CCDC87: variants seen among roughly 807,000 people sequenced by gnomAD.
CCDC87 encodes coiled-coil domain-containing protein 87.
For missense variants in CCDC87, 1,072 were observed against 1,041.7 expected (o/e 1.03, Z -0.40); for synonymous variants, 434 against 440.2 (o/e 0.99, Z 0.18).
rs143106957 is a variant in CCDC87 at position 66,591,701 on chromosome 11, C to A, written c.1315G>T (p.Val439Phe). 1 of 1,613,580 alleles carries A rather than the reference C, an allele frequency of 6.2e-7. No homozygotes were observed. The highest frequency in any genetic ancestry group is 8.5e-7 in the Non-Finnish European group (1 of 1,179,926). Residue 439 changes from valine (V) to phenylalanine (F), a missense_variant, in exon 1 of 1, where the codon GTC becomes TTC. Coordinates refer to ENST00000333861, the MANE Select transcript of CCDC87 (RefSeq NM_018219.3). ...VTITLKLRNE[V>F]VVQAAAVRVS... ...CGTACGGCAGCCGCCTGGACCACGA[C>A]CTCATTTCTAAGCTTCAAAGTAATG... is the stretch of plus-strand genomic sequence containing the variant.
rs1858385348 is a variant in CCDC87, at chr11:66,592,404, G to C, written c.612C>G (p.Phe204Leu). The C allele has an allele frequency of 6.2e-7, 1 of 1,613,942 alleles. No homozygotes were observed. The highest frequency in any genetic ancestry group is 1.3e-5 in the African/African-American group (1 of 74,938). ...KLHPVCPAGT[F>L]KLCPIPWPHS... ...GAGGCCAGGGGATAGGGCACAGCTT[G>C]AACGTCCCAGCGGGGCAGACAGGGT... Residue 204 changes from phenylalanine (F) to leucine (L), a missense_variant, in exon 1 of 1, where the codon TTC becomes TTG. Physicochemically the swap from Phe to Leu is conservative, Grantham distance 22. Transcript: ENST00000333861.
rs1858337611 is a variant in CCDC87, at chr11:66,590,759, T to C, written c.2257A>G (p.Lys753Glu). 1 of 1,613,042 alleles carries C rather than the reference T, an allele frequency of 6.2e-7. No homozygotes were observed. Among genetic ancestry groups the C allele is most frequent in the East Asian group, 2.2e-5 (1 of 44,888 alleles). The change falls in exon 1 of 1, where the codon AAA becomes GAA. Residue 753 changes from lysine to glutamate, a missense_variant. Transcript: ENST00000333861. Reference protein sequence around the residue: ...GQASNPNRFFKKTNLSSSHFL... With the variant: ...GQASNPNRFFEKTNLSSSHFL... ...TGACTGGAGCTCAAGTTGGTCTTTT[T>C]GAAGAAGCGGTTGGGATTGGAAGCT...
rs1307212136 is a variant in CCDC87, at chr11:66,591,636, C to T, written c.1380G>A (p.Glu460=). The change falls in exon 1 of 1, where the codon GAG becomes GAA. Residue 460 remains glutamate, a synonymous_variant. Coordinates refer to ENST00000333861, the MANE Select transcript of CCDC87 (RefSeq NM_018219.3). ...DRNFLDSFHI[E]GAGALYNHLA... is the part of the protein sequence containing the mutation. ...GATGGTTATACAGGGCTCCGGCCCC[C>T]TCAATGTGGAAAGAGTCTAAGAAGT... 1.2e-6 allele frequency: 2 copies of T among 1,614,014 alleles called. No homozygotes were observed. The highest frequency in any genetic ancestry group is 1.7e-5 in the Admixed American group (1 of 60,020).
Position 66,590,933 on chromosome 11 carries a change from C to T in CCDC87, c.2083G>A (p.Asp695Asn), listed in dbSNP as rs1858342595. The T allele has an allele frequency of 1.2e-6, 2 of 1,613,496 alleles. No homozygotes were observed. Among genetic ancestry groups the T allele is most frequent in the Non-Finnish European group, 1.7e-6 (2 of 1,180,058 alleles). ...EQLWSVLEVP[D>N]KDQVDMTIKY... is the part of the protein sequence containing the mutation. Reference sequence around the variant, plus strand: ...ATGGTCATGTCCACCTGGTCCTTGTCAGGGACCTCAAGCACAGACCACAGT... The same window carrying T: ...ATGGTCATGTCCACCTGGTCCTTGTTAGGGACCTCAAGCACAGACCACAGT... The change falls in exon 1 of 1, where the codon GAC (aspartate) becomes AAC (asparagine). Residue 695 changes from aspartate to asparagine, a missense_variant. Asp to Asn is a conservative substitution (Grantham distance 23). Coordinates refer to ENST00000333861, the MANE Select transcript of CCDC87 (RefSeq NM_018219.3).
At position 66,592,567 on chromosome 11, in the gene CCDC87, G is replaced by A. The variant is rs1858391145; in HGVS notation, c.449C>T (p.Thr150Ile). The A allele has an allele frequency of 1.2e-6, 2 of 1,613,128 alleles. No homozygotes were observed. Among genetic ancestry groups the A allele is most frequent in the Non-Finnish European group, 1.7e-6 (2 of 1,180,010 alleles). Reference sequence around the variant, plus strand: ...GAGGCTGGCGGCCAACCGGGTGAGGGTGGCTGATTCAGTGAAGACCCCCCT... The same window carrying A: ...GAGGCTGGCGGCCAACCGGGTGAGGATGGCTGATTCAGTGAAGACCCCCCT... ...TPRGVFTESA[T>I]LTRLAASLAR... is the part of the protein sequence containing the mutation. The change falls in exon 1 of 1, where the codon ACC (threonine) becomes ATC (isoleucine). Residue 150 changes from threonine (T) to isoleucine (I), a missense_variant. Coordinates refer to ENST00000333861, the MANE Select transcript of CCDC87 (RefSeq NM_018219.3).
Position 66,590,838 on chromosome 11 carries a change from C to T in CCDC87, c.2178G>A (p.Lys726=). The T allele has an allele frequency of 1.2e-6, 2 of 1,613,924 alleles. No homozygotes were observed. The highest frequency in any genetic ancestry group is 1.7e-6 in the Non-Finnish European group (2 of 1,180,046). Residue 726 remains lysine (K), a synonymous_variant, in exon 1 of 1, where the codon AAG becomes AAA. Coordinates refer to ENST00000333861, the MANE Select transcript of CCDC87 (RefSeq NM_018219.3). ...GCAATGCCTCCCGCAGCTGAATGGGCTTCAGGGCCCGCTCCCAGGCATTCA... is the reference window on the plus strand; with the variant it reads ...GCAATGCCTCCCGCAGCTGAATGGGTTTCAGGGCCCGCTCCCAGGCATTCA... ...SLVNAWERAL[K]PIQLREALLA...
Position 66,591,363 on chromosome 11 carries a change from C to G in CCDC87, c.1653G>C (p.Gln551His), listed in dbSNP as rs146402060. The change falls in exon 1 of 1, where the codon CAG (glutamine) becomes CAC (histidine). Residue 551 changes from glutamine to histidine, a missense_variant. Gln to His is a conservative substitution (Grantham distance 24, BLOSUM62 0). Transcript: ENST00000333861. Reference protein sequence around the residue: ...INPELVGLYSQRANTLQSNTK... With the variant: ...INPELVGLYSHRANTLQSNTK... ...TATTGGACTGTAAAGTGTTTGCTCTCTGGGAGTAAAGTCCAACCAGCTCAG... is the reference window on the plus strand; with the variant it reads ...TATTGGACTGTAAAGTGTTTGCTCTGTGGGAGTAAAGTCCAACCAGCTCAG... 12 of 1,614,024 alleles carry G rather than the reference C, an allele frequency of 7.4e-6. No homozygotes were observed. The African/African-American group carries it at 1.6e-4, about 22-fold the overall frequency.
In CCDC87 at chr11:66,591,931, T is replaced by C; in HGVS notation, c.1085A>G (p.Lys362Arg). The change falls in exon 1 of 1, where the codon AAG becomes AGG. Residue 362 changes from lysine to arginine, a missense_variant. Coordinates refer to ENST00000333861, the MANE Select transcript of CCDC87 (RefSeq NM_018219.3). ...IVAEDLKQLI[K>R]KMKLEGTRYP... Reference sequence around the variant, plus strand: ...GCGAGTCCCCTCCAACTTCATCTTCTTTATCAACTGCTTCAGATCCTCAGC... The same window carrying C: ...GCGAGTCCCCTCCAACTTCATCTTCCTTATCAACTGCTTCAGATCCTCAGC... The C allele has an allele frequency of 6.2e-7, 1 of 1,613,890 alleles. No individual in the cohort carries two copies. Among genetic ancestry groups the C allele is most frequent in the East Asian group, 2.2e-5 (1 of 44,888 alleles).
Position 66,591,558 on chromosome 11 carries a change from A to G in CCDC87, c.1458T>C (p.Phe486=). 6.2e-7 allele frequency: 1 copy of G among 1,614,178 alleles called. No homozygotes were observed. The highest frequency in any genetic ancestry group is 8.5e-7 in the Non-Finnish European group (1 of 1,180,042). The change falls in exon 1 of 1, where the codon TTT becomes TTC. Residue 486 remains phenylalanine, a synonymous_variant. Transcript: ENST00000333861. ...KAIEKMDIDN[F]VGSTTREVYK... is the part of the protein sequence containing the mutation. The stretch of plus-strand genomic sequence containing the variant: ...AGACCTCCCTGGTAGTACTGCCAAC[A>G]AAGTTATCAATATCCATTTTTTCAA...
Position 66,592,251 on chromosome 11 carries a change from G to C in CCDC87, c.765C>G (p.Ile255Met), listed in dbSNP as rs780562668. The change falls in exon 1 of 1, where the codon ATC becomes ATG. Residue 255 changes from isoleucine to methionine, a missense_variant. Ile to Met is a conservative substitution (Grantham distance 10, BLOSUM62 1). Coordinates refer to ENST00000333861, the MANE Select transcript of CCDC87 (RefSeq NM_018219.3). ...RMDPVKELKS[I>M]PRLKRKKPFH... ...AAGGCTTTTTCCTCTTCAACCGAGG[G>C]ATGGACTTCAATTCCTTCACTGGAT... 6.2e-7 allele frequency: 1 copy of C among 1,614,170 alleles called. No homozygotes were observed. The highest frequency in any genetic ancestry group is 1.1e-5 in the South Asian group (1 of 91,076).
Position 66,590,560 on chromosome 11 carries a change from C to T in CCDC87, c.2456G>A (p.Trp819Ter). Residue 819 changes from tryptophan to a stop codon, truncating the protein, a stop_gained, in exon 1 of 1, where the codon TGG becomes TAG. Coordinates refer to ENST00000333861, the MANE Select transcript of CCDC87 (RefSeq NM_018219.3). LOFTEE classifies it low-confidence loss of function (END_TRUNC). ...MKSDKVEMLY[W>*]LQQQRRVRHL... ...GCGAACCCGCCGCTGCTGTTGCAGCCAATAGAGCATCTCCACTTTGTCACT... is the reference window on the plus strand; with the variant it reads ...GCGAACCCGCCGCTGCTGTTGCAGCTAATAGAGCATCTCCACTTTGTCACT... The T allele has an allele frequency of 6.2e-7, 1 of 1,614,108 alleles. No individual in the cohort carries two copies. The highest frequency in any genetic ancestry group is 8.5e-7 in the Non-Finnish European group (1 of 1,180,028).
At position 66,592,906 on chromosome 11, in the gene CCDC87, C is replaced by A; in HGVS notation, c.110G>T (p.Arg37Leu). ...TRTTSPEPQK[R>L]PPQEGRILQS... is the part of the protein sequence containing the mutation. ...CAGAATCCGGCCCTCCTGCGGGGGG[C>A]GCTTCTGAGGCTCTGGGGACGTCGT... The change falls in exon 1 of 1, where the codon CGC becomes CTC. Residue 37 changes from arginine (R) to leucine (L), a missense_variant. By Grantham distance (102) the Arg-to-Leu change is moderately radical (BLOSUM62 -2). Coordinates refer to ENST00000333861, the MANE Select transcript of CCDC87 (RefSeq NM_018219.3). 1 of 1,531,864 alleles carries A rather than the reference C, an allele frequency of 6.5e-7. No homozygotes were observed. The highest frequency in any genetic ancestry group is 1.3e-5 in the South Asian group (1 of 77,950). The allele number at this position is 1,531,864 out of a possible 1,614,324, so 94.9% of individuals were successfully genotyped here. A position where few individuals can be genotyped will look rare whatever the true frequency, so the allele number is the denominator to read the frequency against.
chr11:66,592,588 C>G lies in CCDC87; in HGVS notation c.428G>C (p.Gly143Ala). Residue 143 changes from glycine to alanine, a missense_variant, in exon 1 of 1, where the codon GGG (glycine) becomes GCG (alanine). Transcript: ENST00000333861. The stretch of plus-strand genomic sequence containing the variant: ...GAGGGTGGCTGATTCAGTGAAGACC[C>G]CCCTGGGAGTCGACATGGTCACCAG... ...HLLVTMSTPR[G>A]VFTESATLTR... 1 of 1,613,520 alleles carries G rather than the reference C, an allele frequency of 6.2e-7. No homozygotes were observed. Among genetic ancestry groups the G allele is most frequent in the Non-Finnish European group, 8.5e-7 (1 of 1,180,028 alleles).
At position 66,590,195 on chromosome 11, in the gene CCDC87, G is replaced by C; in HGVS notation, c.*271C>G. ...CAGTTCTTTTGATATAGGAGATTTGGCTTGTATTGTGCAAGGCTTGACATA... is the reference window on the plus strand; with the variant it reads ...CAGTTCTTTTGATATAGGAGATTTGCCTTGTATTGTGCAAGGCTTGACATA... On this transcript the variant is annotated 3_prime_UTR_variant, in exon 1 of 1. Coordinates refer to ENST00000333861, the MANE Select transcript of CCDC87 (RefSeq NM_018219.3). 2.5e-6 allele frequency: 1 copy of C among 401,176 alleles called. No individual in the cohort carries two copies. Among genetic ancestry groups the C allele is most frequent in the Non-Finnish European group, 4.4e-6 (1 of 226,692 alleles). The allele number at this position is 401,176 out of a possible 1,614,324, so 24.9% of individuals were successfully genotyped here. A position where few individuals can be genotyped will look rare whatever the true frequency, so the allele number is the denominator to read the frequency against.
rs1352878197 is a variant in CCDC87 at position 66,591,461 on chromosome 11, C to T, written c.1555G>A (p.Ala519Thr). Reference sequence around the variant, plus strand: ...AGGAAGGTCGACCAGTCTTTATCTGCTGCAGGCTCAACTAGGGGCCCTTGA... The same window carrying T: ...AGGAAGGTCGACCAGTCTTTATCTGTTGCAGGCTCAACTAGGGGCCCTTGA... ...FDQGPLVEPA[A>T]DKDWSTFLSS... Residue 519 changes from alanine (A) to threonine (T), a missense_variant, in exon 1 of 1, where the codon GCA (alanine) becomes ACA (threonine). Ala to Thr is a moderately conservative substitution (Grantham distance 58). Transcript: ENST00000333861. The T allele has an allele frequency of 6.2e-7, 1 of 1,614,196 alleles. No individual in the cohort carries two copies. Among genetic ancestry groups the T allele is most frequent in the South Asian group, 1.1e-5 (1 of 91,080 alleles).
In CCDC87 at chr11:66,590,496, G is replaced by A; in HGVS notation, c.2520C>T (p.Thr840=). Residue 840 remains threonine (T), a synonymous_variant, in exon 1 of 1, where the codon ACC becomes ACT. Coordinates refer to ENST00000333861, the MANE Select transcript of CCDC87 (RefSeq NM_018219.3). ...GGCTGGCTGCTGAGCTCCTGAACAGGGTTGACTGGTGGGGATCCTTCAGGG... is the reference window on the plus strand; with the variant it reads ...GGCTGGCTGCTGAGCTCCTGAACAGAGTTGACTGGTGGGGATCCTTCAGGG... ...VSALKDPHQS[T]LFRSSAASL is the part of the protein sequence containing the mutation. 2 of 1,613,402 alleles carry A rather than the reference G, an allele frequency of 1.2e-6. No individual in the cohort carries two copies. Among genetic ancestry groups the A allele is most frequent in the Non-Finnish European group, 1.7e-6 (2 of 1,179,530 alleles).
rs769058431 is a variant in CCDC87, at chr11:66,590,631, G to A, written c.2385C>T (p.Gly795=). The A allele has an allele frequency of 3.1e-5, 50 of 1,614,038 alleles. No individual in the cohort carries two copies. Among genetic ancestry groups the A allele is most frequent in the South Asian group, 6.6e-5 (6 of 91,082 alleles). The change falls in exon 1 of 1, where the codon GGC becomes GGT. Residue 795 remains glycine, a synonymous_variant. Coordinates refer to ENST00000333861, the MANE Select transcript of CCDC87 (RefSeq NM_018219.3). ...GCCGCCCCTTGAAGATCACTGGCTC[G>A]CCAAAGATTAACTCTATCTCCTCCA... The part of the protein sequence containing the change: ...SLLEEIELIF[G]EPVIFKGRPY...
chr11:66,592,432 AGCTTGTCCACATCCCCAGAG>A lies in CCDC87; in HGVS notation c.564_583del (p.Ser189AlafsTer29). 6.2e-7 allele frequency: 1 copy of A among 1,613,992 alleles called. No individual in the cohort carries two copies. Among genetic ancestry groups the A allele is most frequent in the Non-Finnish European group, 8.5e-7 (1 of 1,180,014 alleles). ...CGTCCCAGCGGGGCAGACAGGGTGC[AGCTTGTCCACATCCCCAGAG>A]GCCTGCTCTGCCCTCAGCAGGGCCT... is the stretch of plus-strand genomic sequence containing the variant. On this transcript the variant is annotated frameshift_variant, in exon 1 of 1. Transcript: ENST00000333861. LOFTEE classifies it low-confidence loss of function (END_TRUNC).
Position 66,592,391 on chromosome 11 carries a change from T to C in CCDC87, c.625A>G (p.Ile209Val), listed in dbSNP as rs772275388. Residue 209 changes from isoleucine (I) to valine (V), a missense_variant, in exon 1 of 1, where the codon ATC becomes GTC. Ile to Val is a conservative substitution (Grantham distance 29, BLOSUM62 3). Coordinates refer to ENST00000333861, the MANE Select transcript of CCDC87 (RefSeq NM_018219.3). ...AAGCCAGTGCTGTGAGGCCAGGGGA[T>C]AGGGCACAGCTTGAACGTCCCAGCG... ...CPAGTFKLCP[I>V]PWPHSTGFAQ... The C allele has an allele frequency of 1.2e-6, 2 of 1,614,110 alleles. No homozygotes were observed. Among genetic ancestry groups the C allele is most frequent in the Admixed American group, 1.7e-5 (1 of 60,022 alleles).
Sources: allele counts gnomAD v4.1 joint callset, GRCh38; gene constraint gnomAD v4.1.1; transcripts MANE v1.5; gene names NCBI Gene and HGNC (gene_info 2026-07-23, HGNC 2026-07-21).